The following SAMMSON variants were observed in gnomAD, a reference collection of about 807,000 sequenced individuals.
The protein encoded by SAMMSON is long intergenic non-protein coding RNA 1212.
chr3:70,292,986 A>C (rs934153776), intron 7 of SAMMSON, among the ~76,000 whole-genome samples: 1 of 150,136 alleles, frequency 6.7e-6, no homozygotes, highest in African/African-American at 2.4e-5. Flanking sequence ...TCTTTTCCAA[A>C]GAAATAAAGG....
chr3:70,261,378 T>C (rs766332172), intron 6 of SAMMSON, among the ~76,000 whole-genome samples: 19 of 152,226 alleles, frequency 1.2e-4, no homozygotes, highest in East Asian at 3.8e-4. Context: ...AACATGCATA[T>C]GTTTAATCTG....
At chr3:70,422,583 T>C (rs1701322002) in intron 2 of SAMMSON, among the ~76,000 whole-genome samples, 1 of 152,048 alleles carries the variant, frequency 6.6e-6, no homozygotes, top group South Asian at 2.1e-4. Context: ...TATAGTTTTG[T>C]AAACATCTAA....
intron 8 of SAMMSON, among the ~76,000 whole-genome samples, chr3:70,356,320 AT>A (rs921154637): frequency 6.6e-6 from 1 of 152,164 alleles, no homozygotes; most frequent in African/African-American, 2.4e-5. Context: ...AACCATTAAG[AT>A]TTTGGCATAT....
At chr3:70,201,414 A>G (rs1253691025) in intron 4 of SAMMSON, among the ~76,000 whole-genome samples, 1 of 151,984 alleles carries the variant, frequency 6.6e-6, no homozygotes, top group Non-Finnish European at 1.5e-5. Context: ...TCCATGGTAT[A>G]TATGTACCAC....
At chr3:70,424,536 C>T (rs527777904) in intron 2 of SAMMSON, among the ~76,000 whole-genome samples, 66 of 151,908 alleles carry the variant, frequency 4.3e-4, no homozygotes, top group Non-Finnish European at 7.1e-4. Context: ...CTGTGGTTTC[C>T]ATTGAATGAC....
chr3:70,290,880 C>T (rs1377217198), intron 6 of SAMMSON, among the ~76,000 whole-genome samples: 1 of 152,202 alleles, frequency 6.6e-6, no homozygotes, highest in Non-Finnish European at 1.5e-5. Flanking sequence ...TGACCCCTTG[C>T]GCTTCCCGAG....
intron 4 of SAMMSON, among the ~76,000 whole-genome samples, chr3:70,161,243 C>T (rs897822073): frequency 6.6e-6 from 1 of 151,958 alleles, no homozygotes; most frequent in African/African-American, 2.4e-5. Flanking sequence ...GCATTCTTAT[C>T]CTGTTCCCAA....
chr3:70,232,192 G>T (rs1701565914), intron 4 of SAMMSON, among the ~76,000 whole-genome samples: 1 of 152,142 alleles, frequency 6.6e-6, no homozygotes. Flanking sequence ...ATATTGATCT[G>T]CTCTGTGAGG....
At chr3:70,046,038 A>G (rs991719115) in intron 3 of SAMMSON, among the ~76,000 whole-genome samples, 2 of 152,150 alleles carry the variant, frequency 1.3e-5, no homozygotes, top group African/African-American at 4.8e-5. Flanking sequence ...AGTAATCTTT[A>G]GGAAAATATT....
At chr3:70,373,562 C>A (rs1481559457) in intron 9 of SAMMSON, among the ~76,000 whole-genome samples, 2 of 152,044 alleles carry the variant, frequency 1.3e-5, no homozygotes, top group Admixed American at 6.6e-5. Context: ...TTTTTCCAGC[C>A]CCACTCTCTT....
At chr3:70,408,308 T>C (rs12636127) in intron 2 of SAMMSON, among the ~76,000 whole-genome samples, 1 of 152,256 alleles carries the variant, frequency 6.6e-6, no homozygotes, top group Non-Finnish European at 1.5e-5. Context: ...TGCAACCAGC[T>C]TGAATTTTTC....
rs115536616 is a variant in SAMMSON, at chr3:70,426,198, C to T, written n.234-36362C>T. ...TGGCAAGCCTATTGTTCTATGTCAT[C>T]CAATAGGCTGTTTCTCAGGGCATCC... On this transcript the variant is annotated intron_variant and non_coding_transcript_variant, in intron 2 of 3. Coordinates refer to the SAMMSON transcript ENST00000641053. Among the ~76,000 whole-genome samples, 1,349 of 152,276 alleles carry T rather than the reference C, an allele frequency of 8.9e-3. 26 individuals are homozygous for T. Among genetic ancestry groups the T allele is most frequent in the African/African-American group, 0.028 (1,149 of 41,556 alleles).
At chr3:70,264,367 A>G (rs1701896045) in intron 6 of SAMMSON, among the ~76,000 whole-genome samples, 1 of 152,136 alleles carries the variant, frequency 6.6e-6, no homozygotes, top group Admixed American at 6.5e-5. Flanking sequence ...GTCTTCTAAG[A>G]GTGGATTTAT....
At chr3:70,427,644 A>G (rs986865638) in intron 2 of SAMMSON, among the ~76,000 whole-genome samples, 1 of 151,230 alleles carries the variant, frequency 6.6e-6, no homozygotes, top group Non-Finnish European at 1.5e-5. Context: ...AGGCTGAGGC[A>G]GGAGAATGGC....
At chr3:70,340,593 T>G (rs1445880309) in intron 7 of SAMMSON, among the ~76,000 whole-genome samples, 3 of 152,086 alleles carry the variant, frequency 2.0e-5, no homozygotes, top group Non-Finnish European at 4.4e-5. Flanking sequence ...TTTTATTGTG[T>G]GTTAGGTATA....
intron 4 of SAMMSON, among the ~76,000 whole-genome samples, chr3:70,194,838 G>T (rs1448437437): frequency 6.6e-6 from 1 of 152,140 alleles, no homozygotes; most frequent in South Asian, 2.1e-4. Flanking sequence ...TAGGAATAGG[G>T]TTCCAGAGAC....
chr3:70,035,596 A>C (rs1336519560), intron 3 of SAMMSON, among the ~76,000 whole-genome samples: 1 of 152,150 alleles, frequency 6.6e-6, no homozygotes, highest in Non-Finnish European at 1.5e-5. Context: ...GTTAGTCCCT[A>C]CTGACTAGAC....
chr3:70,239,512 G>A (rs1015074866), intron 4 of SAMMSON, among the ~76,000 whole-genome samples: 1 of 136,764 alleles, frequency 7.3e-6, no homozygotes, highest in African/African-American at 2.4e-5. Flanking sequence ...GGAAAACAAA[G>A]CCAATCACTT....
At chr3:70,426,842 C>G (rs1049800404) in intron 2 of SAMMSON, among the ~76,000 whole-genome samples, 8 of 152,168 alleles carry the variant, frequency 5.3e-5, no homozygotes, top group African/African-American at 1.4e-4. Context: ...AAAGTTGAAC[C>G]TGCCTAGCAT....
Sources: gnomAD v4.1 joint callset for allele counts (sites outside exome capture counted in the v4.1 genomes callset) on GRCh38, gnomAD v4.1.1 for gene constraint, MANE v1.5 for transcripts, NCBI Gene and HGNC (gene_info 2026-07-23, HGNC 2026-07-21) for gene names.